MTMR3: variants seen among roughly 807,000 people sequenced by gnomAD.
MTMR3 encodes the protein myotubularin related protein 3, also known as phosphatidylinositol-3,5-bisphosphate 3-phosphatase MTMR3.
In MTMR3, 32 loss-of-function variants were observed where a neutral mutation model predicts 132.4. The ratio of observed to expected loss-of-function variants is 0.24; its 90% confidence interval spans 0.18 to 0.32. The LOEUF is 0.32. Among genes scored for constraint, MTMR3 ranks in the 10% least tolerant of loss-of-function variants. MTMR3 has a pLI of 1.00. For missense variants in MTMR3, 1,216 were observed against 1,489.6 expected (o/e 0.82, Z 3.02); for synonymous variants, 556 against 550.3 (o/e 1.01, Z -0.14).
chr22:29,969,108 C>T (rs1202816085), intron 2 of MTMR3, among the ~76,000 whole-genome samples: 1 of 152,194 alleles, frequency 6.6e-6, no homozygotes, highest in Non-Finnish European at 1.5e-5. Flanking sequence ...TTAACTAGCA[C>T]TTTACTTGGC....
In MTMR3 at chr22:29,955,610, T is replaced by C. The variant is rs553664184; in HGVS notation, c.-137-1426T>C. The stretch of plus-strand genomic sequence containing the variant: ...TTCATTGTCATATAGTGTGTGTGAA[T>C]AATATGGCCTGAGTTATAAAACATA... On this transcript the variant is annotated intron_variant, in intron 1 of 19. Coordinates refer to ENST00000401950, the MANE Select transcript of MTMR3 (RefSeq NM_021090.4). Among the ~76,000 whole-genome samples, 3 of 152,358 alleles carry C rather than the reference T, an allele frequency of 2.0e-5. No homozygotes were observed. The South Asian group carries it at 6.2e-4, about 32-fold the overall frequency.
chr22:29,924,875 A>G (rs1038147749), intron 1 of MTMR3, among the ~76,000 whole-genome samples: 1 of 152,048 alleles, frequency 6.6e-6, no homozygotes, highest in South Asian at 2.1e-4. Context: ...GTGTATATGT[A>G]TATTTTTTGT....
chr22:29,948,285 G>A (rs1294943778), intron 1 of MTMR3, among the ~76,000 whole-genome samples: 2 of 152,182 alleles, frequency 1.3e-5, no homozygotes, highest in Non-Finnish European at 2.9e-5. Flanking sequence ...GGTCCTTGTC[G>A]ATTTTTGATG....
chr22:30,019,680 G>T lies in MTMR3; in HGVS notation c.2021G>T (p.Gly674Val), dbSNP rs141784414. ...CTAGGGAAGCCCACCAGAGTGCCGG[G>T]GGGTGCCGAGCTTTCTGTTGCAGCC... The part of the protein sequence containing the change: ...DSLGKPTRVP[G>V]GAELSVAAGV... The change falls in exon 17 of 20, where the codon GGG becomes GTG. Residue 674 changes from glycine to valine, a missense_variant. Physicochemically the swap from Gly to Val is moderately radical, Grantham distance 109 (BLOSUM62 -3). Coordinates refer to ENST00000401950, the MANE Select transcript of MTMR3 (RefSeq NM_021090.4). 7.7e-4 allele frequency: 1,249 copies of T among 1,614,200 alleles called. 6 individuals carry two copies. The highest frequency in any genetic ancestry group is 1.2e-3 in the South Asian group (112 of 91,084).
chr22:30,004,805 C>G (rs183065079), intron 9 of MTMR3: 1 of 152,318 alleles, frequency 6.6e-6, no homozygotes, highest in Admixed American at 6.5e-5. Context: ...CTTTGCCAGC[C>G]TAGGTGGCAG....
intron 7 of MTMR3, chr22:29,997,430 T>C (rs919715254): frequency 6.6e-6 from 1 of 152,254 alleles, no homozygotes; most frequent in Admixed American, 6.5e-5. Flanking sequence ...CTAGCACTTA[T>C]TTTACAACCT....
intron 1 of MTMR3, among the ~76,000 whole-genome samples, chr22:29,886,981 T>G (rs1340340298): frequency 1.3e-5 from 2 of 152,308 alleles, no homozygotes; most frequent in South Asian, 4.1e-4. Flanking sequence ...TAACATTGAT[T>G]TAAGTTATAA....
chr22:29,974,912 C>A (rs931981282), intron 3 of MTMR3, among the ~76,000 whole-genome samples: 1 of 152,120 alleles, frequency 6.6e-6, no homozygotes, highest in African/African-American at 2.4e-5. Context: ...TCCTTACTAT[C>A]CCATATTGGT....
chr22:29,967,225 G>GCA (rs1458503463), intron 2 of MTMR3, among the ~76,000 whole-genome samples: 6 of 113,672 alleles, frequency 5.3e-5, no homozygotes, highest in African/African-American at 7.7e-5. Flanking sequence ...GTGTGTGTGT[G>GCA]TGTGTGTGCA....
intron 9 of MTMR3, 67 bp downstream of exon 9, chr22:30,003,060 T>A: frequency 8.0e-7 from 1 of 1,247,182 alleles, no homozygotes; most frequent in Non-Finnish European, 1.2e-6. Context: ...GTCTGCTGCC[T>A]CTGCTGCTGC....
chr22:29,887,562 T>TG (rs2145695994), intron 1 of MTMR3, among the ~76,000 whole-genome samples: 1 of 152,328 alleles, frequency 6.6e-6, no homozygotes, highest in Admixed American at 6.5e-5. Context: ...GGAGAAACCT[T>TG]TCAGCACATG....
intron 19 of MTMR3, 157 bp from the exon 20 acceptor site, chr22:30,025,473 C>T: frequency 5.5e-6 from 4 of 725,870 alleles, no homozygotes; most frequent in South Asian, 1.8e-5. Flanking sequence ...ACCCTCCCTA[C>T]CCAGCTTGTT....
chr22:29,891,411 CA>C (rs1252842343), intron 1 of MTMR3, among the ~76,000 whole-genome samples: 1 of 148,834 alleles, frequency 6.7e-6, no homozygotes, highest in Non-Finnish European at 1.5e-5. Context: ...GTATATATAA[CA>C]TATATATATG....
At chr22:29,969,738 G>A (rs1247131379) in intron 2 of MTMR3, among the ~76,000 whole-genome samples, 1 of 151,972 alleles carries the variant, frequency 6.6e-6, no homozygotes, top group African/African-American at 2.4e-5. Flanking sequence ...CACTATGTTG[G>A]CCAGGCTGGT....
At chr22:29,913,941 C>T (rs2065262395) in intron 1 of MTMR3, among the ~76,000 whole-genome samples, 1 of 152,026 alleles carries the variant, frequency 6.6e-6, no homozygotes, top group Admixed American at 6.6e-5. Flanking sequence ...TTAGTAGAGA[C>T]GGAGTTTCAC....
chr22:29,896,087 A>T (rs2064889555), intron 1 of MTMR3, among the ~76,000 whole-genome samples: 1 of 152,174 alleles, frequency 6.6e-6, no homozygotes, highest in African/African-American at 2.4e-5. Context: ...AGGTGGGCAG[A>T]TCACTTGAGG....
chr22:29,917,510 T>G (rs1245081846), intron 1 of MTMR3, among the ~76,000 whole-genome samples: 1 of 152,158 alleles, frequency 6.6e-6, no homozygotes, highest in Non-Finnish European at 1.5e-5. Flanking sequence ...AAAATTGCAC[T>G]GGGATTTGCA....
intron 1 of MTMR3, among the ~76,000 whole-genome samples, chr22:29,936,863 G>A (rs188457057): frequency 2.0e-5 from 3 of 152,172 alleles, no homozygotes; most frequent in Admixed American, 6.6e-5. Context: ...ATATAAAATA[G>A]TAATATTAAA....
At chr22:29,903,063 A>G (rs2065030981) in intron 1 of MTMR3, among the ~76,000 whole-genome samples, 1 of 152,140 alleles carries the variant, frequency 6.6e-6, no homozygotes. Flanking sequence ...TGTCTCTACT[A>G]AAAACACAAA....
Sources: gnomAD v4.1 joint callset for allele counts (sites outside exome capture counted in the v4.1 genomes callset) on GRCh38, gnomAD v4.1.1 for gene constraint, MANE v1.5 for transcripts, NCBI Gene and HGNC (gene_info 2026-07-23, HGNC 2026-07-21) for gene names.